Variants in LGSN observed in about 807,000 individuals in gnomAD.
The protein encoded by LGSN is lengsin.
Under a neutral mutation model 19.5 loss-of-function variants are expected in LGSN, and 21 were observed. The ratio of observed to expected loss-of-function variants is 1.07; its 90% CI spans 0.76 to 1.55. The LOEUF (loss-of-function observed/expected upper bound fraction) is 1.55. Among genes scored for constraint, LGSN ranks in the 40% most tolerant of loss-of-function variants. The pLI, the probability that LGSN is intolerant of heterozygous loss-of-function variation, is 0.00. For missense variants in LGSN, 673 were observed against 608.5 expected, an observed-to-expected ratio of 1.11 and a Z score of -1.12; for synonymous variants, 257 against 215.6, an observed-to-expected ratio of 1.19 and a Z score of -1.68.
chr6:63,377,238 G>A, the LGSN span, among the ~76,000 whole-genome samples: 1,664 of 152,250 alleles, frequency 0.011, 35 homozygotes, highest in African/African-American at 0.038. Flanking sequence ...AGACGCTAAC[G>A]TATCCTTTAT....
the LGSN span, among the ~76,000 whole-genome samples, chr6:63,356,414 T>C: frequency 6.6e-6 from 1 of 151,942 alleles, no homozygotes; most frequent in Non-Finnish European, 1.5e-5. Context: ...TGGTGGCTCG[T>C]GCCTGTGATC....
At chr6:63,509,573 C>T in the LGSN span, among the ~76,000 whole-genome samples, 2 of 151,900 alleles carry the variant, frequency 1.3e-5, no homozygotes, top group Admixed American at 1.3e-4. Context: ...ATATAGCTGC[C>T]ATAGTTTCTT....
chr6:63,326,832 C>G, the LGSN span, among the ~76,000 whole-genome samples: 1 of 152,192 alleles, frequency 6.6e-6, no homozygotes, highest in East Asian at 1.9e-4. Context: ...ACTCACGCCT[C>G]TCCCTCCACA....
the LGSN span, among the ~76,000 whole-genome samples, chr6:63,357,212 T>A: frequency 6.6e-6 from 1 of 152,196 alleles, no homozygotes; most frequent in Admixed American, 6.5e-5. Flanking sequence ...TGTGCCACAT[T>A]TTCTTAATCC....
At chr6:63,446,504 A>C in the LGSN span, among the ~76,000 whole-genome samples, 4 of 152,238 alleles carry the variant, frequency 2.6e-5, no homozygotes, top group Non-Finnish European at 5.9e-5. Context: ...AAGTTTCACG[A>C]GGTCAAGGAT....
the LGSN span, among the ~76,000 whole-genome samples, chr6:63,497,133 G>A: frequency 8.6e-5 from 13 of 152,044 alleles, no homozygotes; most frequent in South Asian, 2.7e-3. Flanking sequence ...CTCCACACCT[G>A]GCTAATTTTT....
chr6:63,379,994 C>T, the LGSN span, among the ~76,000 whole-genome samples: 2 of 152,078 alleles, frequency 1.3e-5, no homozygotes, highest in South Asian at 2.1e-4. Context: ...CCTGCCACTA[C>T]ACCCAGCTAA....
chr6:63,423,835 C>T, the LGSN span, among the ~76,000 whole-genome samples: 2 of 152,052 alleles, frequency 1.3e-5, no homozygotes, highest in Non-Finnish European at 2.9e-5. Flanking sequence ...GTTAGGAGTT[C>T]GAGACCATCC....
chr6:63,468,039 A>G, the LGSN span, among the ~76,000 whole-genome samples: 1 of 152,202 alleles, frequency 6.6e-6, no homozygotes, highest in Admixed American at 6.5e-5. Flanking sequence ...ATATATTCAC[A>G]TTGGAAGTTA....
At chr6:63,348,323 G>A in the LGSN span, among the ~76,000 whole-genome samples, 21 of 152,116 alleles carry the variant, frequency 1.4e-4, no homozygotes, top group Non-Finnish European at 2.6e-4. Flanking sequence ...GAGCTGTGGC[G>A]CATGCCTGTA....
At chr6:63,465,939 T>C in the LGSN span, among the ~76,000 whole-genome samples, 1 of 152,186 alleles carries the variant, frequency 6.6e-6, no homozygotes, top group Non-Finnish European at 1.5e-5. Flanking sequence ...ACAAGCTAGA[T>C]CATATTGTGC....
the LGSN span, chr6:63,572,636 AGCCACC>A: frequency 4.8e-6 from 2 of 419,664 alleles, no homozygotes; most frequent in African/African-American, 2.1e-5. Context: ...CCTGCCCTGC[AGCCACC>A]GCCACCGCCT....
the LGSN span, among the ~76,000 whole-genome samples, chr6:63,461,163 G>A: frequency 0.46 from 70,488 of 151,920 alleles, 18,199 homozygotes; most frequent in Non-Finnish European, 0.57. Flanking sequence ...TGCCTCCCGG[G>A]CTCAAGCCTC....
chr6:63,392,912 A>T, the LGSN span, among the ~76,000 whole-genome samples: 1 of 101,460 alleles, frequency 9.9e-6, no homozygotes, highest in East Asian at 2.9e-4. Context: ...TTTGATATGG[A>T]GTCTTGCTCT....
At chr6:63,536,330 C>CA in the LGSN span, among the ~76,000 whole-genome samples, 25 of 149,374 alleles carry the variant, frequency 1.7e-4, no homozygotes, top group African/African-American at 3.2e-4. Flanking sequence ...GATTCTGTCT[C>CA]AAAAAAAAAG....
intron 1 of LGSN, among the ~76,000 whole-genome samples, chr6:63,296,391 T>C (rs942492642): frequency 1.3e-5 from 2 of 151,754 alleles, no homozygotes; most frequent in African/African-American, 2.4e-5. Flanking sequence ...GGCAGAAATA[T>C]AAAGCTTTAT....
At chr6:63,439,301 A>G in the LGSN span, among the ~76,000 whole-genome samples, 1 of 152,104 alleles carries the variant, frequency 6.6e-6, no homozygotes, top group Non-Finnish European at 1.5e-5. Flanking sequence ...ACGTGTATAC[A>G]TATGTTAACT....
the LGSN span, among the ~76,000 whole-genome samples, chr6:63,367,417 C>G: frequency 0.76 from 114,484 of 151,494 alleles, 44,110 homozygotes; most frequent in African/African-American, 0.91. Flanking sequence ...GTTAGAATGG[C>G]AATCATTAAA....
At chr6:63,572,604 T>C in the LGSN span, 1 of 418,504 alleles carries the variant, frequency 2.4e-6, no homozygotes, top group Non-Finnish European at 4.1e-6. Flanking sequence ...CCACCGCCGC[T>C]CCGCCACGAC....
Sources: allele counts gnomAD v4.1 joint callset (sites outside exome capture counted in the v4.1 genomes callset), GRCh38; gene constraint gnomAD v4.1.1; transcripts MANE v1.5; gene names NCBI Gene and HGNC (gene_info 2026-07-23, HGNC 2026-07-21).